Variants in CDH6 observed in about 807,000 individuals in gnomAD.
The protein encoded by CDH6 is cadherin-6.
A neutral mutation model predicts 78.0 loss-of-function variants in CDH6; 31 were observed. The observed-to-expected ratio is 0.40, with a 90% confidence interval of 0.30 to 0.54. CDH6 has a LOEUF of 0.54. CDH6 is among the 20% of genes least tolerant of loss of function. The pLI is 0.56. For missense variants in CDH6, 724 were observed against 975.9 expected (o/e 0.74, Z 3.44); for synonymous variants, 376 against 368.8 (o/e 1.02, Z -0.23).
chr5:31,275,783 C>T (rs923518264), intron 2 of CDH6, among the ~76,000 whole-genome samples: 2 of 152,118 alleles, frequency 1.3e-5, no homozygotes, highest in African/African-American at 4.8e-5. Context: ...CAGTAGATTC[C>T]TAAACCATGG....
intron 1 of CDH6, among the ~76,000 whole-genome samples, chr5:31,200,439 T>C (rs936691306): frequency 2.0e-5 from 3 of 152,026 alleles, no homozygotes; most frequent in African/African-American, 7.2e-5. Context: ...AGTAAGATAG[T>C]GTTTGTGTCC....
At chr5:31,280,866 G>C (rs563214325) in intron 2 of CDH6, among the ~76,000 whole-genome samples, 1 of 148,940 alleles carries the variant, frequency 6.7e-6, no homozygotes, top group Non-Finnish European at 1.5e-5. Context: ...AAATGAGGAG[G>C]ATGAGGAGAG....
intron 2 of CDH6, among the ~76,000 whole-genome samples, chr5:31,275,938 A>C (rs1742677637): frequency 1.3e-5 from 2 of 152,202 alleles, no homozygotes; most frequent in African/African-American, 4.8e-5. Context: ...AAATAAACAG[A>C]CATACGGGAG....
chr5:31,203,867 G>C (rs547919829), intron 1 of CDH6, among the ~76,000 whole-genome samples: 1 of 152,020 alleles, frequency 6.6e-6, no homozygotes, highest in East Asian at 2.0e-4. Flanking sequence ...CCCACCAACA[G>C]TGTAAAAGTG....
chr5:31,327,628 T>C lies in CDH6; in HGVS notation c.*4320T>C, dbSNP rs893588397. ...TGTGAATCTTCAGGAAAATGAGCTA[T>C]TTCATAAGCTCAAACAAGCAGCTTC... On this transcript the variant is annotated 3_prime_UTR_variant, in exon 12 of 12. Coordinates refer to ENST00000265071, the MANE Select transcript of CDH6 (RefSeq NM_004932.4). 5.1e-6 allele frequency: 1 copy of C among 198,016 alleles called. No individual in the cohort carries two copies. Among genetic ancestry groups the C allele is most frequent in the African/African-American group, 2.3e-5 (1 of 43,438 alleles). 12.3% of individuals were successfully genotyped at this position (198,016 alleles called of 1,614,324 possible). A position where few individuals can be genotyped will look rare whatever the true frequency, so the allele number is the denominator to read the frequency against.
intron 1 of CDH6, among the ~76,000 whole-genome samples, chr5:31,242,606 C>T (rs1741635250): frequency 6.6e-6 from 1 of 151,632 alleles, no homozygotes; most frequent in Non-Finnish European, 1.5e-5. Flanking sequence ...GAAAGCAAAT[C>T]TATATCCAGA....
chr5:31,220,860 G>C (rs1410691195), intron 1 of CDH6, among the ~76,000 whole-genome samples: 1 of 152,146 alleles, frequency 6.6e-6, no homozygotes, highest in African/African-American at 2.4e-5. Context: ...GGGTCAGCAT[G>C]GGTAAGGAGT....
chr5:31,287,800 T>C (rs1340305070), intron 2 of CDH6, among the ~76,000 whole-genome samples: 1 of 152,218 alleles, frequency 6.6e-6, no homozygotes, highest in African/African-American at 2.4e-5. Context: ...GAAATTTGCA[T>C]TTCTAACTAG....
chr5:31,294,259 G>A lies in CDH6; in HGVS notation c.523+3G>A. ...TGTCCCTGAAATGTCTGATGTCGGT[G>A]AGTGAGACGTGACTTCAGCCAAAAG... On this transcript the variant is annotated splice_donor_region_variant and intron_variant, in intron 3 of 11. Coordinates refer to ENST00000265071, the MANE Select transcript of CDH6 (RefSeq NM_004932.4). The surrounding 1 kb of genome is among the most constrained non-coding windows in gnomAD (Gnocchi z 4.1). 1.9e-6 allele frequency: 3 copies of A among 1,607,812 alleles called. No individual in the cohort carries two copies. The highest frequency in any genetic ancestry group is 2.5e-6 in the Non-Finnish European group (3 of 1,176,670).
chr5:31,226,952 T>A (rs1741168955), intron 1 of CDH6, among the ~76,000 whole-genome samples: 1 of 152,160 alleles, frequency 6.6e-6, no homozygotes, highest in Non-Finnish European at 1.5e-5. Flanking sequence ...GTCTCATGGC[T>A]TTCATAAGAA....
chr5:31,324,339 CT>C lies in CDH6; in HGVS notation c.*1033del, dbSNP rs904031862. ...ATTAGTAAAGTTAGATTAAATAAAACTTAAATCTCACTCTAGGAGTTCAGTG... is the reference window on the plus strand; with the variant it reads ...ATTAGTAAAGTTAGATTAAATAAAACTAAATCTCACTCTAGGAGTTCAGTG... On this transcript the variant is annotated 3_prime_UTR_variant, in exon 12 of 12. Transcript: ENST00000265071. 4.7e-6 allele frequency: 1 copy of C among 213,344 alleles called. No individual in the cohort carries two copies. Among genetic ancestry groups the C allele is most frequent in the African/African-American group, 2.3e-5 (1 of 44,214 alleles). The allele number at this position is 213,344 out of a possible 1,614,324, so 13.2% of individuals were successfully genotyped here.
intron 7 of CDH6, among the ~76,000 whole-genome samples, chr5:31,310,329 G>A (rs1738111753): frequency 6.6e-6 from 1 of 152,230 alleles, no homozygotes. Flanking sequence ...CACTGATAAA[G>A]GAGTGGGCTC....
chr5:31,227,426 A>T (rs1327308427), intron 1 of CDH6, among the ~76,000 whole-genome samples: 1 of 152,324 alleles, frequency 6.6e-6, no homozygotes, highest in East Asian at 1.9e-4. Context: ...TAATATAATA[A>T]GCATAATATA....
At chr5:31,234,452 A>G (rs1741397692) in intron 1 of CDH6, among the ~76,000 whole-genome samples, 1 of 152,224 alleles carries the variant, frequency 6.6e-6, no homozygotes, top group Non-Finnish European at 1.5e-5. Flanking sequence ...ATGGGAAGGT[A>G]TCCACAGAGT....
chr5:31,239,265 G>A (rs1012741064), intron 1 of CDH6, among the ~76,000 whole-genome samples: 7 of 152,194 alleles, frequency 4.6e-5, no homozygotes, highest in African/African-American at 1.7e-4. Flanking sequence ...GAGGCCTAGA[G>A]AAGTTAAGAA....
At chr5:31,282,205 A>G (rs1742882133) in intron 2 of CDH6, among the ~76,000 whole-genome samples, 1 of 152,092 alleles carries the variant, frequency 6.6e-6, no homozygotes, top group Admixed American at 6.6e-5. Context: ...ATAATTCTGG[A>G]GGTCAGAAAT....
intron 1 of CDH6, among the ~76,000 whole-genome samples, chr5:31,215,726 C>A (rs534448216): frequency 1.3e-5 from 2 of 152,248 alleles, no homozygotes; most frequent in East Asian, 3.9e-4. Context: ...CCTGAGAAAT[C>A]TCTTTTTCTC....
chr5:31,327,917 C>G lies in CDH6; in HGVS notation c.*4609C>G, dbSNP rs1268196000. 1 of 215,492 alleles carries G rather than the reference C, an allele frequency of 4.6e-6. No homozygotes were observed. The highest frequency in any genetic ancestry group is 9.4e-6 in the Non-Finnish European group (1 of 106,892). The allele number at this position is 215,492 out of a possible 1,614,324, so 13.3% of individuals were successfully genotyped here. On this transcript the variant is annotated 3_prime_UTR_variant, in exon 12 of 12. Coordinates refer to ENST00000265071, the MANE Select transcript of CDH6 (RefSeq NM_004932.4). The stretch of plus-strand genomic sequence containing the variant: ...AGCCGGAAGTTTATGGTCTCTGCAT[C>G]GTCAATTTAATTTAAGCATTGCTGA...
chr5:31,228,146 C>T (rs1418551592), intron 1 of CDH6, among the ~76,000 whole-genome samples: 1 of 152,148 alleles, frequency 6.6e-6, no homozygotes, highest in East Asian at 1.9e-4. Flanking sequence ...CTCTTTGTCT[C>T]GGACTCATGC....
Sources: allele counts gnomAD v4.1 joint callset (sites outside exome capture counted in the v4.1 genomes callset), GRCh38; gene constraint gnomAD v4.1.1; non-coding constraint Gnocchi (gnomAD v3.1); transcripts MANE v1.5; gene names NCBI Gene and HGNC (gene_info 2026-07-23, HGNC 2026-07-21).